MYO16: variants seen among roughly 807,000 people sequenced by gnomAD.
MYO16 encodes the protein unconventional myosin-XVI.
Under a neutral mutation model 205.3 loss-of-function variants are expected in MYO16, and 94 were observed. That is an observed-to-expected ratio of 0.46 (90% CI 0.39 to 0.54). The LOEUF (loss-of-function observed/expected upper bound fraction) is 0.54, where lower values mean the gene tolerates loss of function less well. MYO16 is among the 20% of genes least tolerant of loss of function. The pLI is 0.00. For missense variants in MYO16, 2,315 were observed against 2,387.5 expected, an observed-to-expected ratio of 0.97 and a Z score of 0.63; for synonymous variants, 988 against 954.0, an observed-to-expected ratio of 1.04 and a Z score of -0.66.
At chr13:109,029,259 C>T (rs144694266) in intron 23 of MYO16, among the ~76,000 whole-genome samples, 8 of 151,884 alleles carry the variant, frequency 5.3e-5, no homozygotes, top group Non-Finnish European at 8.8e-5. Flanking sequence ...GGATTATAGG[C>T]GTCCACCATC....
chr13:108,503,595 T>G, the MYO16 span, among the ~76,000 whole-genome samples: 1 of 152,196 alleles, frequency 6.6e-6, no homozygotes, highest in Admixed American at 6.5e-5. Flanking sequence ...ATTGCAAATG[T>G]GCCTTTGCAG....
At chr13:108,843,915 T>C (rs1434575184) in intron 9 of MYO16, among the ~76,000 whole-genome samples, 1 of 152,142 alleles carries the variant, frequency 6.6e-6, no homozygotes, top group Admixed American at 6.6e-5. Flanking sequence ...TTGCCCATGA[T>C]TTTGTATTTT....
At chr13:109,001,052 C>G (rs940762338) in intron 21 of MYO16, among the ~76,000 whole-genome samples, 17 of 151,310 alleles carry the variant, frequency 1.1e-4, no homozygotes, top group African/African-American at 4.1e-4. Context: ...TGTCTTTATA[C>G]ATGTGAAGTA....
At chr13:108,768,630 C>G (rs998378969) in intron 4 of MYO16, among the ~76,000 whole-genome samples, 5 of 152,158 alleles carry the variant, frequency 3.3e-5, no homozygotes, top group Admixed American at 1.3e-4. Flanking sequence ...TTATAGGACA[C>G]AGACATAGTG....
intron 16 of MYO16, among the ~76,000 whole-genome samples, chr13:108,921,286 T>C (rs1881735637): frequency 6.6e-6 from 1 of 152,162 alleles, no homozygotes; most frequent in African/African-American, 2.4e-5. Context: ...ACAGACCTGC[T>C]GGGTGGGTTG....
At chr13:108,770,143 A>C (rs1309304048) in intron 4 of MYO16, among the ~76,000 whole-genome samples, 1 of 152,236 alleles carries the variant, frequency 6.6e-6, no homozygotes, top group South Asian at 2.1e-4. Context: ...AACTATAGGC[A>C]TGTAATATTC....
chr13:108,834,668 TCA>T (rs1450108223), intron 9 of MYO16, among the ~76,000 whole-genome samples: 3,995 of 31,260 alleles, frequency 0.13, 127 homozygotes, highest in Admixed American at 0.23. Context: ...TCTCTCTCTC[TCA>T]CACATATATA....
chr13:108,730,900 C>T (rs991586018), intron 4 of MYO16, among the ~76,000 whole-genome samples: 16 of 152,122 alleles, frequency 1.1e-4, no homozygotes, highest in African/African-American at 1.4e-4. Flanking sequence ...GATACATGCC[C>T]GCATTTACTA....
chr13:108,510,439 TTTATATTTAACATTGATAGCTG>T, the MYO16 span, among the ~76,000 whole-genome samples: 27 of 137,306 alleles, frequency 2.0e-4, 1 homozygote, highest in Non-Finnish European at 3.8e-4. Context: ...TTTTTTTTTT[TTTATATTTAACATTGATAGCTG>T]TTTTTTTTTT....
At chr13:108,665,463 A>T (rs1881683105) in intron 1 of MYO16, among the ~76,000 whole-genome samples, 1 of 152,170 alleles carries the variant, frequency 6.6e-6, no homozygotes, top group South Asian at 2.1e-4. Flanking sequence ...AGTCATCATG[A>T]TACGCAAAAG....
chr13:108,603,782 C>T (rs1048142050), intron 1 of MYO16, among the ~76,000 whole-genome samples: 13 of 152,148 alleles, frequency 8.5e-5, no homozygotes, highest in Non-Finnish European at 1.5e-4. Context: ...TGCTATTTGC[C>T]TGTCTCTCAG....
intron 1 of MYO16, among the ~76,000 whole-genome samples, chr13:108,663,154 G>A (rs1881576743): frequency 6.6e-6 from 1 of 152,126 alleles, no homozygotes; most frequent in Non-Finnish European, 1.5e-5. Flanking sequence ...GGATCTGTGG[G>A]TCCTCTCGGG....
chr13:108,630,353 C>T (rs781579656), intron 1 of MYO16, among the ~76,000 whole-genome samples: 2 of 152,206 alleles, frequency 1.3e-5, no homozygotes, highest in East Asian at 1.9e-4. Context: ...TGACTGTAAA[C>T]TTTTGTCCTT....
chr13:108,558,187 G>T, the MYO16 span, among the ~76,000 whole-genome samples: 1 of 152,284 alleles, frequency 6.6e-6, no homozygotes. Context: ...TCAGACACAT[G>T]CAGATTCTCC....
intron 21 of MYO16, among the ~76,000 whole-genome samples, chr13:108,999,006 G>A (rs1885128120): frequency 6.6e-6 from 1 of 152,204 alleles, no homozygotes; most frequent in South Asian, 2.1e-4. Flanking sequence ...TCACAAGCAT[G>A]CCCAGGTTCA....
the MYO16 span, among the ~76,000 whole-genome samples, chr13:108,510,470 T>G: frequency 1.5e-5 from 2 of 129,540 alleles, no homozygotes; most frequent in East Asian, 2.4e-4. Flanking sequence ...TGTTTTTTTT[T>G]TTTTTTTTTT....
chr13:109,088,252 G>A (rs1040979657), intron 27 of MYO16, among the ~76,000 whole-genome samples: 2 of 152,200 alleles, frequency 1.3e-5, no homozygotes, highest in African/African-American at 4.8e-5. Context: ...GGGCTGTATG[G>A]GAAGCAAGTA....
intron 6 of MYO16, among the ~76,000 whole-genome samples, chr13:108,797,396 A>T (rs1424192187): frequency 2.0e-5 from 3 of 152,242 alleles, no homozygotes; most frequent in Non-Finnish European, 2.9e-5. Context: ...GAAGGAAAGA[A>T]ATTTGGGACC....
chr13:108,645,064 G>A (rs1244188220), intron 1 of MYO16, among the ~76,000 whole-genome samples: 2 of 152,108 alleles, frequency 1.3e-5, no homozygotes, highest in Non-Finnish European at 2.9e-5. Flanking sequence ...ATCAGGGGTG[G>A]GGACAAGACA....
Sources: allele counts gnomAD v4.1 joint callset (sites outside exome capture counted in the v4.1 genomes callset), GRCh38; gene constraint gnomAD v4.1.1; transcripts MANE v1.5; gene names NCBI Gene and HGNC (gene_info 2026-07-23, HGNC 2026-07-21).